The following PCDHA2 variants were observed in gnomAD, a reference collection of about 807,000 sequenced individuals.
The protein encoded by PCDHA2 is protocadherin alpha-2.
A neutral mutation model predicts 66.0 loss-of-function variants in PCDHA2; 58 were observed. The ratio of observed to expected loss-of-function variants is 0.88; its 90% CI spans 0.71 to 1.09. The LOEUF is 1.09. Among genes scored for constraint, PCDHA2 ranks in the 50% least tolerant of loss-of-function variants. The probability of loss-of-function intolerance (pLI) is 0.00; values close to 1 mark genes in which losing one functional copy is unlikely to be tolerated. For missense variants in PCDHA2, 1,267 were observed against 1,242.3 expected, an observed-to-expected ratio of 1.02 and a Z score of -0.30; for synonymous variants, 634 against 554.0, an observed-to-expected ratio of 1.14 and a Z score of -2.03.
At position 140,795,653 on chromosome 5, in the gene PCDHA2, T is replaced by A. The variant is rs1057279342; in HGVS notation, c.689T>A (p.Ile230Asn). Residue 230 changes from isoleucine (I) to asparagine (N), a missense_variant, in exon 1 of 4, where the codon ATT (isoleucine) becomes AAT (asparagine). Ile to Asn is a moderately radical substitution (Grantham distance 149). Coordinates refer to ENST00000526136, the MANE Select transcript of PCDHA2 (RefSeq NM_018905.3). ...CTCACGGGCACCGTTCAAATACTTATTAAGGTATTAGATGTAAATGACAAT... is the reference window on the plus strand; with the variant it reads ...CTCACGGGCACCGTTCAAATACTTAATAAGGTATTAGATGTAAATGACAAT... ...PELTGTVQIL[I>N]KVLDVNDNEP... 1.2e-6 allele frequency: 2 copies of A among 1,613,940 alleles called. No individual in the cohort carries two copies. The highest frequency in any genetic ancestry group is 2.7e-5 in the African/African-American group (2 of 74,928).
intron 1 of PCDHA2, chr5:140,801,540 C>G: frequency 6.2e-7 from 1 of 1,614,216 alleles, no homozygotes; most frequent in African/African-American, 1.3e-5. Context: ...CAGGCCGCTG[C>G]AGGTTTTCCA....
intron 1 of PCDHA2, chr5:140,876,755 G>C (rs782037862): frequency 1.9e-6 from 3 of 1,614,248 alleles, no homozygotes; most frequent in Non-Finnish European, 1.7e-6. Flanking sequence ...GTGACTGCGC[G>C]GGATGGGGGC....
chr5:140,875,386 C>G, intron 1 of PCDHA2: 1 of 1,465,972 alleles, frequency 6.8e-7, no homozygotes, highest in Non-Finnish European at 9.0e-7. Flanking sequence ...TATGTACTTA[C>G]AGAAAAGGGT....
chr5:140,966,488 C>G (rs1161799910), intron 1 of PCDHA2: 7 of 440,132 alleles, frequency 1.6e-5, no homozygotes, highest in East Asian at 1.1e-4. Context: ...TTTCCCTCCC[C>G]CTGGAGCTGT....
rs782603246 is a variant in PCDHA2, at chr5:140,883,847, G to T, written c.2388+86495G>T. On this transcript the variant is annotated intron_variant, in intron 1 of 3. Transcript: ENST00000526136. ...CGCGCTGCAGCCGTTGGACCACGAGGAGCTGGAGCTGTTGCAGTTCCAGGT... is the reference window on the plus strand; with the variant it reads ...CGCGCTGCAGCCGTTGGACCACGAGTAGCTGGAGCTGTTGCAGTTCCAGGT... 4.3e-6 allele frequency: 7 copies of T among 1,612,760 alleles called. No individual in the cohort carries two copies. The East Asian group carries it at 1.3e-4, about 31-fold the overall frequency.
intron 3 of PCDHA2, among the ~76,000 whole-genome samples, chr5:140,985,840 T>C (rs1441638586): frequency 2.0e-5 from 3 of 149,512 alleles, no homozygotes; most frequent in African/African-American, 7.4e-5. Flanking sequence ...CCCGGGTTCA[T>C]GCCACTCTCC....
chr5:140,839,977 T>C (rs1329730797), intron 1 of PCDHA2, among the ~76,000 whole-genome samples: 1 of 152,062 alleles, frequency 6.6e-6, no homozygotes, highest in Non-Finnish European at 1.5e-5. Context: ...ATGACTCCTA[T>C]TGGAAAGTGG....
intron 1 of PCDHA2, chr5:140,803,258 G>A (rs782014177): frequency 1.9e-6 from 3 of 1,613,910 alleles, no homozygotes; most frequent in Non-Finnish European, 1.7e-6. Context: ...CTGGCGCCAC[G>A]GGCCCGGAAG....
intron 1 of PCDHA2, among the ~76,000 whole-genome samples, chr5:140,917,287 G>C (rs190210744): frequency 6.8e-6 from 1 of 147,568 alleles, no homozygotes; most frequent in Non-Finnish European, 1.5e-5. Context: ...ACGCTTTTCC[G>C]TGTGCAGATA....
At chr5:141,000,389 CTCTCTCTATA>C (rs1363755181) in intron 3 of PCDHA2, among the ~76,000 whole-genome samples, 150 of 62,510 alleles carry the variant, frequency 2.4e-3, no homozygotes, top group African/African-American at 5.3e-3. Context: ...CTCTCTCTCT[CTCTCTCTATA>C]TATATATATA....
chr5:140,871,210 A>T (rs2052831697), intron 1 of PCDHA2: 2 of 1,613,818 alleles, frequency 1.2e-6, no homozygotes, highest in Middle Eastern at 1.7e-4. Flanking sequence ...GATCATCGCC[A>T]TCTGCGTGGT....
At position 140,796,464 on chromosome 5, in the gene PCDHA2, C is replaced by T. The variant is rs782625095; in HGVS notation, c.1500C>T (p.Gly500=). The T allele has an allele frequency of 1.2e-6, 2 of 1,612,160 alleles. No individual in the cohort carries two copies. Among genetic ancestry groups the T allele is most frequent in the Non-Finnish European group, 1.7e-6 (2 of 1,179,796 alleles). ...ACTCGCTGGTGGAGCGGCGGGTGGG[C>T]GAGCGCGCGTTGTCGAGCTACGTTT... ...VSYSLVERRV[G]ERALSSYVSV... Residue 500 remains glycine (G), a synonymous_variant, in exon 1 of 4, where the codon GGC becomes GGT. Transcript: ENST00000526136.
intron 1 of PCDHA2, chr5:140,842,516 T>C (rs2150337808): frequency 1.2e-6 from 2 of 1,613,620 alleles, no homozygotes; most frequent in East Asian, 2.2e-5. Flanking sequence ...CAAGCTGGTG[T>C]CCACCTTCAA....
intron 1 of PCDHA2, chr5:140,871,357 C>A: frequency 6.2e-7 from 1 of 1,614,196 alleles, no homozygotes; most frequent in Non-Finnish European, 8.5e-7. Flanking sequence ...ATACTCGCAG[C>A]AGAGGCGGCA....
rs1336988369 is a variant in PCDHA2, at chr5:140,795,256, C to A, written c.292C>A (p.Arg98=). 14 of 1,614,190 alleles carry A rather than the reference C, an allele frequency of 8.7e-6. No individual in the cohort carries two copies. The highest frequency in any genetic ancestry group is 1.2e-5 in the Non-Finnish European group (14 of 1,180,038). The change falls in exon 1 of 4, where the codon CGG becomes AGG. Residue 98 remains arginine (R), a synonymous_variant. Transcript: ENST00000526136. ...GATCGACCGGGAGGAGCTGTGCGGG[C>A]GGAGCGCGGAATGTAGCATCCACGT... is the stretch of plus-strand genomic sequence containing the variant. ...SRIDREELCG[R]SAECSIHVEV...
intron 1 of PCDHA2, chr5:140,860,808 G>GCTCA (rs2153220670): frequency 6.6e-6 from 1 of 152,328 alleles, no homozygotes. Context: ...CACGATCTCG[G>GCTCA]CTCACTGCAA....
At chr5:140,850,454 C>A (rs2150484793) in intron 1 of PCDHA2, 7 of 1,597,724 alleles carry the variant, frequency 4.4e-6, no homozygotes, top group Non-Finnish European at 5.1e-6. Flanking sequence ...TGGTGAAAGA[C>A]CACGGGGAGC....
rs797023184 is a variant in PCDHA2 at position 140,941,202 on chromosome 5, CCTTT to C, written c.2389-37739_2389-37736del. The stretch of plus-strand genomic sequence containing the variant: ...TCCTGCTTCTTTTTTTTTCTTTCTT[CCTTT>C]CTTTCTTCCTTTCTTTCTTTCTTTC... On this transcript the variant is annotated intron_variant, in intron 1 of 3. Transcript: ENST00000526136. Among the ~76,000 whole-genome samples, 914 of 122,710 alleles carry C rather than the reference CCTTT, an allele frequency of 7.4e-3. 14 individuals are homozygous for C. The highest frequency in any genetic ancestry group is 0.013 in the African/African-American group (444 of 33,832). The allele number at this position is 122,710 out of a possible 152,430, so 80.5% of individuals were successfully genotyped here. A position where few individuals can be genotyped will look rare whatever the true frequency, so the allele number is the denominator to read the frequency against.
At chr5:140,947,454 C>T (rs138457341) in intron 1 of PCDHA2, among the ~76,000 whole-genome samples, 1 of 151,582 alleles carries the variant, frequency 6.6e-6, no homozygotes, top group Non-Finnish European at 1.5e-5. Flanking sequence ...ATCCTCCAAC[C>T]TTGTTCTACT....
Sources: allele counts gnomAD v4.1 joint callset (sites outside exome capture counted in the v4.1 genomes callset), GRCh38; gene constraint gnomAD v4.1.1; transcripts MANE v1.5; gene names NCBI Gene and HGNC (gene_info 2026-07-23, HGNC 2026-07-21).